The following GPHN variants were observed in gnomAD, a reference collection of about 807,000 sequenced individuals.
GPHN encodes gephyrin.
In GPHN, 17 loss-of-function variants were observed where a neutral mutation model predicts 95.5. The ratio of observed to expected loss-of-function variants is 0.18; its 90% CI spans 0.12 to 0.27. The LOEUF (loss-of-function observed/expected upper bound fraction) is 0.27. Among genes scored for constraint, GPHN ranks in the 10% least tolerant of loss-of-function variants. The probability of loss-of-function intolerance (pLI) is 1.00; values close to 1 mark genes in which losing one functional copy is unlikely to be tolerated. For synonymous variants in GPHN, 320 were observed against 322.5 expected, an observed-to-expected ratio of 0.99 and a Z score of 0.08; for missense variants, 660 against 978.1, an observed-to-expected ratio of 0.67 and a Z score of 4.34.
chr14:67,118,621 G>A (rs1030267229), intron 16 of GPHN, among the ~76,000 whole-genome samples: 1 of 151,932 alleles, frequency 6.6e-6, no homozygotes, highest in Non-Finnish European at 1.5e-5. Context: ...CCAGCTACTC[G>A]GGAGGCTGAG....
At chr14:66,776,132 A>G (rs1489131905) in intron 2 of GPHN, among the ~76,000 whole-genome samples, 1 of 152,214 alleles carries the variant, frequency 6.6e-6, no homozygotes, top group Non-Finnish European at 1.5e-5. Context: ...AAAAAAGTCA[A>G]ACATGTTTGC....
chr14:66,626,720 A>G (rs2063542494), intron 1 of GPHN, among the ~76,000 whole-genome samples: 2 of 152,066 alleles, frequency 1.3e-5, no homozygotes, highest in Admixed American at 1.3e-4. Context: ...GCCATACCAT[A>G]AGATTTTTCA....
rs75538381 is a variant in GPHN, at chr14:66,949,700, C to G, written c.829-15491C>G. On this transcript the variant is annotated intron_variant, in intron 8 of 22. Coordinates refer to ENST00000478722, the MANE Select transcript of GPHN (RefSeq NM_020806.5). ...ATTAAATTCAAATAACAGAGAATTT[C>G]TATTGTACAGCCTTGCAACTTTGCT... 4.5e-4 allele frequency among the ~76,000 whole-genome samples: 68 copies of G among 152,202 alleles called. 1 individual carries two copies. In the East Asian group the frequency reaches 0.013, roughly 29 times the overall value.
chr14:66,545,090 C>G (rs1594897015), intron 1 of GPHN, among the ~76,000 whole-genome samples: 4 of 152,266 alleles, frequency 2.6e-5, no homozygotes, highest in Admixed American at 2.6e-4. Context: ...AATGAGCTGC[C>G]GGGCACACCT....
intron 19 of GPHN, among the ~76,000 whole-genome samples, chr14:67,162,258 T>G (rs539596110): frequency 6.6e-6 from 1 of 152,326 alleles, no homozygotes; most frequent in Admixed American, 6.5e-5. Context: ...TTAAATGCAG[T>G]GGAAGGAAGA....
At chr14:67,184,911 A>G (rs567168017), downstream of GPHN, among the ~76,000 whole-genome samples, 5 of 152,318 alleles carry the variant, frequency 3.3e-5, no homozygotes, top group South Asian at 6.2e-4. Flanking sequence ...CAGTTTGTAG[A>G]AGAGAAGAGA....
chr14:66,918,770 C>T (rs1157857890), intron 6 of GPHN, among the ~76,000 whole-genome samples: 3 of 152,162 alleles, frequency 2.0e-5, no homozygotes, highest in Admixed American at 6.5e-5. Flanking sequence ...CTCCCAGAAG[C>T]TGAGTGTAAA....
At chr14:66,933,777 A>G (rs1350067769) in intron 8 of GPHN, among the ~76,000 whole-genome samples, 1 of 152,172 alleles carries the variant, frequency 6.6e-6, no homozygotes, top group East Asian at 1.9e-4. Context: ...AATTCTTTCA[A>G]GGTACCAAAC....
intron 1 of GPHN, among the ~76,000 whole-genome samples, chr14:66,587,643 G>A (rs1309574089): frequency 6.6e-6 from 1 of 152,178 alleles, no homozygotes. Context: ...CTGAATAGAT[G>A]CAGAAGAGGC....
intron 2 of GPHN, among the ~76,000 whole-genome samples, chr14:66,754,967 A>G (rs776369528): frequency 3.5e-4 from 53 of 152,062 alleles, no homozygotes; most frequent in Non-Finnish European, 5.9e-4. Flanking sequence ...ACAATGCTGT[A>G]TGATGAAATC....
At chr14:67,383,451 A>G in the GPHN span, 1 of 1,611,996 alleles carries the variant, frequency 6.2e-7, no homozygotes, top group East Asian at 2.2e-5. Flanking sequence ...CTTTGTGGGA[A>G]ACAGAGTCCA....
At chr14:66,699,395 A>G (rs1233550663) in intron 2 of GPHN, among the ~76,000 whole-genome samples, 1 of 151,918 alleles carries the variant, frequency 6.6e-6, no homozygotes, top group Non-Finnish European at 1.5e-5. Flanking sequence ...TAAAAATAAT[A>G]AAAGGTAAGT....
chr14:67,292,751 C>T, the GPHN span: 1 of 1,544,484 alleles, frequency 6.5e-7, no homozygotes, highest in Non-Finnish European at 8.9e-7. Context: ...TTGATGTCTA[C>T]AAGGTAATTA....
At chr14:66,936,332 T>C (rs1596435974) in intron 8 of GPHN, among the ~76,000 whole-genome samples, 1 of 151,998 alleles carries the variant, frequency 6.6e-6, no homozygotes, top group African/African-American at 2.4e-5. Context: ...TGAGCAGAGA[T>C]TGTGCCATTG....
intron 1 of GPHN, among the ~76,000 whole-genome samples, chr14:66,512,027 T>G (rs1233512081): frequency 8.6e-5 from 13 of 151,956 alleles, no homozygotes. Flanking sequence ...TTGAAATATT[T>G]CTGTGTCTAA....
the GPHN span, among the ~76,000 whole-genome samples, chr14:67,622,867 G>C: frequency 6.6e-6 from 1 of 152,200 alleles, no homozygotes; most frequent in Non-Finnish European, 1.5e-5. Flanking sequence ...ATCAGCTGAG[G>C]CTGCTGAATG....
At chr14:67,049,073 CT>C (rs1376609674) in intron 10 of GPHN, among the ~76,000 whole-genome samples, 1 of 152,126 alleles carries the variant, frequency 6.6e-6, no homozygotes, top group Non-Finnish European at 1.5e-5. Flanking sequence ...TAGGTGATAA[CT>C]CACTGGGGCC....
At chr14:66,662,362 C>T (rs1436352947) in intron 1 of GPHN, among the ~76,000 whole-genome samples, 6 of 152,038 alleles carry the variant, frequency 3.9e-5, no homozygotes, top group African/African-American at 1.4e-4. Context: ...CTGGTGATAC[C>T]CTCAGGTACT....
rs781205059 is a variant in GPHN at position 67,122,313 on chromosome 14, A to T, written c.1684A>T (p.Thr562Ser). ...GAAGATTCGAGACAGCAATCGTTCAACTCTTCTAGCAACAATTCAGGAACA... is the reference window on the plus strand; with the variant it reads ...GAAGATTCGAGACAGCAATCGTTCATCTCTTCTAGCAACAATTCAGGAACA... ...PGKIRDSNRS[T>S]LLATIQEHGY... The change falls in exon 17 of 23, where the codon ACT (threonine) becomes TCT (serine). Residue 562 changes from threonine to serine, a missense_variant. Physicochemically the swap from Thr to Ser is moderately conservative, Grantham distance 58 (BLOSUM62 1). This residue lies in a region of GPHN where 257 missense variants were observed against 376.2 expected (regional missense o/e 0.68). Coordinates refer to ENST00000478722, the MANE Select transcript of GPHN (RefSeq NM_020806.5). 6.2e-7 allele frequency: 1 copy of T among 1,613,202 alleles called. No individual in the cohort carries two copies. Among genetic ancestry groups the T allele is most frequent in the Non-Finnish European group, 8.5e-7 (1 of 1,179,246 alleles).
Sources: gnomAD v4.1 joint callset for allele counts (sites outside exome capture counted in the v4.1 genomes callset) on GRCh38, gnomAD v4.1.1 for gene constraint, gnomAD v4.1.1 regional missense constraint, MANE v1.5 for transcripts, NCBI Gene and HGNC (gene_info 2026-07-23, HGNC 2026-07-21) for gene names.